TMEM45A: variants seen among roughly 807,000 people sequenced by gnomAD.
TMEM45A encodes DNA polymerase-transactivated protein 4.
TMEM45A carries 25 observed loss-of-function variants against 32.0 expected under a neutral mutation model. The observed-to-expected ratio is 0.78, with a 90% CI of 0.57 to 1.09. The LOEUF (loss-of-function observed/expected upper bound fraction) is 1.09. Ranked by LOEUF, TMEM45A falls within the 50% of genes least tolerant of loss-of-function variation. The pLI, the probability that TMEM45A is intolerant of heterozygous loss-of-function variation, is 0.00. For missense variants in TMEM45A, 302 were observed against 325.0 expected, an observed-to-expected ratio of 0.93 and a Z score of 0.54; for synonymous variants, 122 against 114.8, an observed-to-expected ratio of 1.06 and a Z score of -0.40.
In TMEM45A at chr3:100,550,364, T is replaced by G. The variant is rs191994144; in HGVS notation, c.-3-4845T>G. Among the ~76,000 whole-genome samples, 1,061 of 152,270 alleles carry G rather than the reference T, an allele frequency of 7.0e-3. 6 individuals are homozygous for G. Among genetic ancestry groups the G allele is most frequent in the Non-Finnish European group, 0.012 (800 of 68,014 alleles). ...ATGATGGAGAATGAAATTTTAAAGC[T>G]ACATATTTTTGTATCCACATAGTAT... On this transcript the variant is annotated intron_variant, in intron 1 of 5. Transcript: ENST00000323523.
intron 1 of TMEM45A, among the ~76,000 whole-genome samples, chr3:100,535,605 G>A (rs1433021226): frequency 2.0e-5 from 3 of 152,172 alleles, no homozygotes; most frequent in Non-Finnish European, 4.4e-5. Context: ...CTTTCAAAAA[G>A]GGGAGATATT....
rs181206223 is a variant in TMEM45A, at chr3:100,500,798, A to T, written c.-4+7870A>T. ...TTTATTTCTCCTTCAAGAGAAATTT[A>T]AAAAAAATGACCAGCAAGGTGGTGC... On this transcript the variant is annotated intron_variant, in intron 1 of 5. Transcript: ENST00000323523. 5.1e-4 allele frequency among the ~76,000 whole-genome samples: 77 copies of T among 152,236 alleles called. No individual in the cohort carries two copies. The East Asian group carries it at 7.7e-3, about 15-fold the overall frequency.
At chr3:100,558,253 C>T in intron 3 of TMEM45A, 152 bp from the exon 4 acceptor site, 2 of 834,860 alleles carry the variant, frequency 2.4e-6, no homozygotes, top group Non-Finnish European at 3.7e-6. Flanking sequence ...GTGATGTCTC[C>T]AAAAATGCAG....
chr3:100,534,494 G>A (rs1470071798), intron 1 of TMEM45A, among the ~76,000 whole-genome samples: 1 of 152,144 alleles, frequency 6.6e-6, no homozygotes, highest in Non-Finnish European at 1.5e-5. Flanking sequence ...GATGGAGGAA[G>A]AGGCCTGGAA....
At chr3:100,511,431 T>A (rs1708158106) in intron 1 of TMEM45A, among the ~76,000 whole-genome samples, 1 of 150,548 alleles carries the variant, frequency 6.6e-6, no homozygotes, top group African/African-American at 2.4e-5. Context: ...GCTGAGAGAT[T>A]TTGTCACCAC....
At chr3:100,557,094 C>A in intron 3 of TMEM45A, 122 bp downstream of exon 3, 1 of 1,111,684 alleles carries the variant, frequency 9.0e-7, no homozygotes, top group Non-Finnish European at 1.3e-6. Flanking sequence ...TATATCTGGG[C>A]CATAATGAAA....
intron 1 of TMEM45A, among the ~76,000 whole-genome samples, chr3:100,551,605 A>T (rs940323321): frequency 1.3e-5 from 2 of 152,226 alleles, no homozygotes; most frequent in African/African-American, 4.8e-5. Context: ...TGTTTCTAGG[A>T]GATGAGAGTG....
chr3:100,569,012 G>A, intron 5 of TMEM45A, 45 bp downstream of exon 5: 1 of 1,569,594 alleles, frequency 6.4e-7, no homozygotes, highest in East Asian at 2.3e-5. Flanking sequence ...TCCTTGGTAT[G>A]TGATTATCAA....
intron 1 of TMEM45A, among the ~76,000 whole-genome samples, chr3:100,495,115 A>G (rs1262493051): frequency 3.9e-5 from 6 of 152,228 alleles, no homozygotes; most frequent in Admixed American, 2.0e-4. Context: ...AGCAACTGGT[A>G]TTAACTGAGT....
Position 100,577,289 on chromosome 3 carries a change from C to T in TMEM45A, c.*271C>T. On this transcript the variant is annotated 3_prime_UTR_variant, in exon 6 of 6. Transcript: ENST00000323523. ...TTTCCAGATTATCTAAAGTTGGATG[C>T]CCACACTATGAAAGAAATATTTGTT... 3.2e-6 allele frequency: 1 copy of T among 308,322 alleles called. No homozygotes were observed. The highest frequency in any genetic ancestry group is 5.9e-6 in the Non-Finnish European group (1 of 168,880). The allele number at this position is 308,322 out of a possible 1,614,324, so 19.1% of individuals were successfully genotyped here.
intron 5 of TMEM45A, among the ~76,000 whole-genome samples, chr3:100,576,347 A>C (rs62274582): frequency 2.0e-5 from 3 of 152,130 alleles, no homozygotes; most frequent in Non-Finnish European, 4.4e-5. Flanking sequence ...GCTACTCAGG[A>C]GGCTGAGGCA....
chr3:100,573,176 AT>A, intron 5 of TMEM45A: 1 of 150,630 alleles, frequency 6.6e-6, no homozygotes, highest in South Asian at 2.1e-4. Context: ...CATTGAATCT[AT>A]AAATTACCTT....
At chr3:100,561,250 G>A (rs958963274) in intron 4 of TMEM45A, among the ~76,000 whole-genome samples, 1 of 152,074 alleles carries the variant, frequency 6.6e-6, no homozygotes, top group African/African-American at 2.4e-5. Context: ...ACAGCAAAAC[G>A]CTGTCTTAAG....
rs755848570 is a variant in TMEM45A, at chr3:100,492,755, T to TCCCCCCCCCCCC, written c.-175_-174insCCCCCCCCCCCC. 17 of 143,508 alleles carry TCCCCCCCCCCCC rather than the reference T, an allele frequency of 1.2e-4. No individual in the cohort carries two copies. The highest frequency in any genetic ancestry group is 1.7e-4 in the Non-Finnish European group (11 of 65,976). 8.9% of individuals were successfully genotyped at this position (143,508 alleles called of 1,614,324 possible). A position where few individuals can be genotyped will look rare whatever the true frequency, so the allele number is the denominator to read the frequency against. ...CGACTAGGGACCCAAGTTTAAAAAT[T>TCCCCCCCCCCCC]CCTCCCCCCACCCAATGCGAGACGT... is the stretch of plus-strand genomic sequence containing the variant. On this transcript the variant is annotated 5_prime_UTR_variant, in exon 1 of 6. Coordinates refer to ENST00000323523, the MANE Select transcript of TMEM45A (RefSeq NM_018004.3).
chr3:100,552,157 C>A (rs1284083130), intron 1 of TMEM45A, among the ~76,000 whole-genome samples: 1 of 152,086 alleles, frequency 6.6e-6, no homozygotes, highest in African/African-American at 2.4e-5. Context: ...TTAAAAGCAA[C>A]CAAAATTTTT....
intron 1 of TMEM45A, among the ~76,000 whole-genome samples, chr3:100,521,492 A>G (rs945973548): frequency 2.0e-5 from 3 of 152,158 alleles, no homozygotes; most frequent in African/African-American, 4.8e-5. Flanking sequence ...ACCTCAGGTG[A>G]TCTGCCCGCC....
At chr3:100,549,135 T>C (rs1706038335) in intron 1 of TMEM45A, among the ~76,000 whole-genome samples, 1 of 151,822 alleles carries the variant, frequency 6.6e-6, no homozygotes, top group African/African-American at 2.4e-5. Flanking sequence ...TAATACCAGC[T>C]ACTCAGGAGG....
At position 100,556,856 on chromosome 3, in the gene TMEM45A, T is replaced by C; in HGVS notation, c.287T>C (p.Phe96Ser). Residue 96 changes from phenylalanine (F) to serine (S), a missense_variant, in exon 3 of 6, where the codon TTC becomes TCC. By Grantham distance (155) the Phe-to-Ser change is radical. Transcript: ENST00000323523. ...HWNQLLGWHHFTMYFFFGLLG... is the reference protein window; with the variant it reads ...HWNQLLGWHHSTMYFFFGLLG... ...AATCAACTCCTGGGCTGGCATCATT[T>C]CACCATGTATTTCTTCTTTGGGCTG... The C allele has an allele frequency of 6.2e-7, 1 of 1,614,214 alleles. No homozygotes were observed. The highest frequency in any genetic ancestry group is 8.5e-7 in the Non-Finnish European group (1 of 1,180,020).
chr3:100,555,283 G>C lies in TMEM45A; in HGVS notation c.72G>C (p.Lys24Asn). The C allele has an allele frequency of 6.2e-7, 1 of 1,613,962 alleles. No individual in the cohort carries two copies. Among genetic ancestry groups the C allele is most frequent in the East Asian group, 2.2e-5 (1 of 44,860 alleles). ...TTATTGGTCTTTGGTGGTGTACAAAGAGTATTCTGAAGTATATCTGCAAAA... is the reference window on the plus strand; with the variant it reads ...TTATTGGTCTTTGGTGGTGTACAAACAGTATTCTGAAGTATATCTGCAAAA... ...FFIIGLWWCT[K>N]SILKYICKKQ... Residue 24 changes from lysine (K) to asparagine (N), a missense_variant, in exon 2 of 6, where the codon AAG becomes AAC. Transcript: ENST00000323523.
Sources: allele counts gnomAD v4.1 joint callset (sites outside exome capture counted in the v4.1 genomes callset), GRCh38; gene constraint gnomAD v4.1.1; transcripts MANE v1.5; gene names NCBI Gene and HGNC (gene_info 2026-07-23, HGNC 2026-07-21).